MTA3: variants seen among roughly 807,000 people sequenced by gnomAD.
The protein encoded by MTA3 is metastasis associated 1 family member 3, also known as metastasis-associated protein MTA3.
In MTA3, 34 loss-of-function variants were observed where a neutral mutation model predicts 83.5. The ratio of observed to expected loss-of-function variants is 0.41; its 90% CI spans 0.31 to 0.54. MTA3 has a LOEUF of 0.54. MTA3 is among the 20% of genes least tolerant of loss of function. The pLI is 0.33. For synonymous variants in MTA3, 303 were observed against 252.7 expected, an observed-to-expected ratio of 1.20 and a Z score of -1.89; for missense variants, 761 against 726.4, an observed-to-expected ratio of 1.05 and a Z score of -0.55.
intron 4 of MTA3, among the ~76,000 whole-genome samples, chr2:42,631,942 G>T (rs540623419): frequency 7.5e-4 from 114 of 152,178 alleles, no homozygotes; most frequent in Non-Finnish European, 2.1e-4. Context: ...CACCCACCTT[G>T]GCCTCCCAAA....
intron 3 of MTA3, among the ~76,000 whole-genome samples, chr2:42,583,310 G>C (rs1679876905): frequency 6.6e-6 from 1 of 152,144 alleles, no homozygotes; most frequent in Non-Finnish European, 1.5e-5. Flanking sequence ...GGGAATGGTG[G>C]AGTTAGATGT....
At position 42,753,589 on chromosome 2, in the gene MTA3, G is replaced by C. The variant is rs901731850; in HGVS notation, c.*190G>C. On this transcript the variant is annotated 3_prime_UTR_variant, in exon 17 of 17. Transcript: ENST00000405094. ...CACGTTCCAAATCCTGTGTCTCCAC[G>C]TGTGGATCAGCAGCACCTCGCTTTC... is the stretch of plus-strand genomic sequence containing the variant. 1.4e-6 allele frequency: 2 copies of C among 1,403,816 alleles called. No homozygotes were observed. The highest frequency in any genetic ancestry group is 1.9e-6 in the Non-Finnish European group (2 of 1,078,780). The allele number at this position is 1,403,816 out of a possible 1,614,324, so 87.0% of individuals were successfully genotyped here. A position where few individuals can be genotyped will look rare whatever the true frequency, so the allele number is the denominator to read the frequency against.
At position 42,554,639 on chromosome 2, in the gene MTA3, A is replaced by G. The variant is rs369563177; in HGVS notation, c.-140-15798A>G. Among the ~76,000 whole-genome samples the G allele has an allele frequency of 6.6e-5, 10 of 152,154 alleles. No individual in the cohort carries two copies. The South Asian group carries it at 2.1e-3, about 32-fold the overall frequency. On this transcript the variant is annotated intron_variant, in intron 2 of 17. Transcript: ENST00000405592. ...ACAGCAGGGAAAGCCAGCCCGAATG[A>G]CAGCTGTTTCTTTCTACATGAAAAT... is the stretch of plus-strand genomic sequence containing the variant.
In MTA3 at chr2:42,623,266, C is replaced by A. The variant is rs145736942; in HGVS notation, c.317+13682C>A. ...CGTGTGCCTTGGAATGCAGGTGGTCCAAGGAACTGAGGCCCATTGTTTTCA... is the reference window on the plus strand; with the variant it reads ...CGTGTGCCTTGGAATGCAGGTGGTCAAAGGAACTGAGGCCCATTGTTTTCA... On this transcript the variant is annotated intron_variant, in intron 4 of 16. Coordinates refer to ENST00000405094, the MANE Select transcript of MTA3 (RefSeq NM_001330442.2). Among the ~76,000 whole-genome samples, 437 of 152,260 alleles carry A rather than the reference C, an allele frequency of 2.9e-3. 1 individual carries two copies. The highest frequency in any genetic ancestry group is 0.01 in the African/African-American group (418 of 41,550).
intron 2 of MTA3, among the ~76,000 whole-genome samples, chr2:42,501,982 A>G (rs1674416879): frequency 6.6e-6 from 1 of 152,156 alleles, no homozygotes; most frequent in South Asian, 2.1e-4. Context: ...TATCTATCTC[A>G]AAAATTAAAA....
rs1308906336 is a variant in MTA3 at position 42,755,808 on chromosome 2, G to T, written c.*2409G>T. The stretch of plus-strand genomic sequence containing the variant: ...GCACATGGGTGGACGTGCAGAGACT[G>T]TCTGCGCAGCCCCCAGCAGACATGC... On this transcript the variant is annotated 3_prime_UTR_variant, in exon 17 of 17. Coordinates refer to ENST00000405094, the MANE Select transcript of MTA3 (RefSeq NM_001330442.2). 2 of 985,378 alleles carry T rather than the reference G, an allele frequency of 2.0e-6. No individual in the cohort carries two copies. The highest frequency in any genetic ancestry group is 3.5e-5 in the African/African-American group (2 of 57,236). 61.0% of individuals were successfully genotyped at this position (985,378 alleles called of 1,614,324 possible). A position where few individuals can be genotyped will look rare whatever the true frequency, so the allele number is the denominator to read the frequency against.
At position 42,606,185 on chromosome 2, in the gene MTA3, C is replaced by T. The variant is rs1187714872; in HGVS notation, c.191-3273C>T. 1.1e-4 allele frequency among the ~76,000 whole-genome samples: 7 copies of T among 62,830 alleles called. 1 individual carries two copies. Among genetic ancestry groups the T allele is most frequent in the South Asian group, 1.8e-3 (2 of 1,108 alleles). The allele number at this position is 62,830 out of a possible 152,430, so 41.2% of individuals were successfully genotyped here. A position where few individuals can be genotyped will look rare whatever the true frequency, so the allele number is the denominator to read the frequency against. ...TCACCTCCCGGACGGGGCGGCTGGC[C>T]GGGCGGGGGGCTGACCCCCCCCCAC... On this transcript the variant is annotated intron_variant, in intron 3 of 16. Coordinates refer to ENST00000405094, the MANE Select transcript of MTA3 (RefSeq NM_001330442.2).
intron 6 of MTA3, among the ~76,000 whole-genome samples, chr2:42,652,664 C>G (rs1487481954): frequency 6.6e-6 from 1 of 152,040 alleles, no homozygotes; most frequent in African/African-American, 2.4e-5. Context: ...TTTATTTACT[C>G]AAATCATCTG....
rs559846397 is a variant in MTA3 at position 42,720,969 on chromosome 2, A to G, written c.1612+1895A>G. Among the ~76,000 whole-genome samples, 281 of 150,278 alleles carry G rather than the reference A, an allele frequency of 1.9e-3. 1 individual carries two copies. Among genetic ancestry groups the G allele is most frequent in the African/African-American group, 6.0e-3 (243 of 40,474 alleles). ...CCTGTCTCAAAAAAAAAAAAAAAAA[A>G]AAAAAGAAAAGAAAAGAAAAAAAGA... On this transcript the variant is annotated intron_variant, in intron 15 of 16. Coordinates refer to ENST00000405094, the MANE Select transcript of MTA3 (RefSeq NM_001330442.2).
chr2:42,699,344 G>A (rs573253725), intron 11 of MTA3, among the ~76,000 whole-genome samples: 2 of 152,208 alleles, frequency 1.3e-5, no homozygotes, highest in Admixed American at 6.5e-5. Flanking sequence ...TGGGACTATA[G>A]GCACGCACCA....
intron 4 of MTA3, among the ~76,000 whole-genome samples, chr2:42,634,307 A>G (rs1233260193): frequency 1.3e-5 from 2 of 152,336 alleles, no homozygotes; most frequent in Non-Finnish European, 1.5e-5. Flanking sequence ...TTATTAGTCT[A>G]TTCTCACACT....
chr2:42,702,970 C>T (rs1418534141), intron 11 of MTA3: 1 of 152,320 alleles, frequency 6.6e-6, no homozygotes, highest in African/African-American at 2.4e-5. Flanking sequence ...CCCTGCTCCC[C>T]AAAAGAAAGG....
chr2:42,711,241 G>A (rs1666585112), intron 14 of MTA3, among the ~76,000 whole-genome samples: 1 of 152,046 alleles, frequency 6.6e-6, no homozygotes, highest in African/African-American at 2.4e-5. Context: ...TGTTTCCCCA[G>A]GGCTTGTGTG....
chr2:42,661,032 C>G (rs900856319), intron 8 of MTA3, among the ~76,000 whole-genome samples: 3 of 152,174 alleles, frequency 2.0e-5, no homozygotes, highest in Non-Finnish European at 4.4e-5. Flanking sequence ...TAGATTGTGA[C>G]TAAAGCTGTG....
chr2:42,616,796 C>T (rs183427124), intron 4 of MTA3, among the ~76,000 whole-genome samples: 9 of 151,776 alleles, frequency 5.9e-5, no homozygotes, highest in Non-Finnish European at 1.0e-4. Flanking sequence ...CCAGGCTGTT[C>T]GCAAACGATC....
At chr2:42,713,020 A>G (rs575838800) in intron 14 of MTA3, among the ~76,000 whole-genome samples, 44 of 152,322 alleles carry the variant, frequency 2.9e-4, no homozygotes, top group South Asian at 1.0e-3. Flanking sequence ...ACACAGGATT[A>G]TCAGCACTTG....
intron 8 of MTA3, among the ~76,000 whole-genome samples, chr2:42,673,037 G>A (rs1450837447): frequency 6.6e-6 from 1 of 151,712 alleles, no homozygotes; most frequent in Non-Finnish European, 1.5e-5. Context: ...AGTAGAGATG[G>A]TGTTTTGCCA....
At chr2:42,609,320 C>T in intron 3 of MTA3, 138 bp from the exon 4 acceptor site, 1 of 954,976 alleles carries the variant, frequency 1.0e-6, no homozygotes, top group Non-Finnish European at 1.5e-6. Flanking sequence ...GCATGAGCCA[C>T]TGCACCTGGC....
chr2:42,615,259 T>C (rs1247713715), intron 4 of MTA3, among the ~76,000 whole-genome samples: 1 of 151,176 alleles, frequency 6.6e-6, no homozygotes, highest in Non-Finnish European at 1.5e-5. Flanking sequence ...TCTGTTTTTT[T>C]CTTTTTTTTT....
Sources: allele counts gnomAD v4.1 joint callset (sites outside exome capture counted in the v4.1 genomes callset), GRCh38; gene constraint gnomAD v4.1.1; transcripts MANE v1.5; gene names NCBI Gene and HGNC (gene_info 2026-07-23, HGNC 2026-07-21).